SPATA16: variants seen among roughly 807,000 people sequenced by gnomAD.
SPATA16 encodes the protein spermatogenesis associated 16, also known as spermatogenesis-associated protein 16.
SPATA16 carries 36 observed loss-of-function variants against 63.3 expected under a neutral mutation model. That is an observed-to-expected ratio of 0.57 (90% CI 0.44 to 0.75). SPATA16 has a LOEUF of 0.75. SPATA16 is among the 30% of genes least tolerant of loss of function. The probability of loss-of-function intolerance (pLI) is 0.00; values close to 1 mark genes in which losing one functional copy is unlikely to be tolerated. For missense variants in SPATA16, 646 were observed against 679.3 expected, an observed-to-expected ratio of 0.95 and a Z score of 0.54; for synonymous variants, 203 against 216.7, an observed-to-expected ratio of 0.94 and a Z score of 0.56.
At chr3:173,002,246 A>G (rs924334338) in intron 4 of SPATA16, among the ~76,000 whole-genome samples, 3 of 152,194 alleles carry the variant, frequency 2.0e-5, no homozygotes, top group Admixed American at 6.5e-5. Context: ...TTTGGTAAAC[A>G]CACACTGAAG....
chr3:172,905,370 C>T (rs1732212105), intron 10 of SPATA16, among the ~76,000 whole-genome samples: 1 of 152,134 alleles, frequency 6.6e-6, no homozygotes, highest in African/African-American at 2.4e-5. Flanking sequence ...CACATATTAG[C>T]CCAAATGACT....
chr3:173,088,318 C>T (rs1009719466), intron 2 of SPATA16, among the ~76,000 whole-genome samples: 5 of 151,934 alleles, frequency 3.3e-5, no homozygotes, highest in Non-Finnish European at 5.9e-5. Context: ...CTCTTGACCT[C>T]ATGATCCGAC....
chr3:172,933,382 C>G (rs1331521694), intron 6 of SPATA16, among the ~76,000 whole-genome samples: 1 of 152,136 alleles, frequency 6.6e-6, no homozygotes, highest in Admixed American at 6.5e-5. Context: ...CCATTTCCCT[C>G]GGTCCCTGTT....
At chr3:173,074,645 G>T (rs1270363755) in intron 2 of SPATA16, among the ~76,000 whole-genome samples, 1 of 151,976 alleles carries the variant, frequency 6.6e-6, no homozygotes, top group African/African-American at 2.4e-5. Context: ...CCCAGTCTCG[G>T]GTATATCTTT....
intron 2 of SPATA16, among the ~76,000 whole-genome samples, chr3:173,080,156 G>T (rs1314307723): frequency 1.3e-5 from 2 of 152,190 alleles, no homozygotes; most frequent in African/African-American, 2.4e-5. Flanking sequence ...AAGTCTAGGA[G>T]AGGACAGAAC....
At chr3:173,081,998 C>T (rs1244187671) in intron 2 of SPATA16, among the ~76,000 whole-genome samples, 3 of 152,158 alleles carry the variant, frequency 2.0e-5, no homozygotes, top group Non-Finnish European at 4.4e-5. Flanking sequence ...GATTTTCCAT[C>T]TTTAGACTAT....
intron 4 of SPATA16, among the ~76,000 whole-genome samples, chr3:172,979,201 C>A (rs945933226): frequency 2.0e-5 from 3 of 151,954 alleles, no homozygotes; most frequent in Non-Finnish European, 4.4e-5. Context: ...CGCGCCACTG[C>A]ACTCCAGCCT....
chr3:173,080,539 A>T (rs1736900305), intron 2 of SPATA16, among the ~76,000 whole-genome samples: 1 of 152,266 alleles, frequency 6.6e-6, no homozygotes, highest in African/African-American at 2.4e-5. Flanking sequence ...ATGACGGGAA[A>T]GTGAGGCCCA....
intron 5 of SPATA16, among the ~76,000 whole-genome samples, chr3:172,975,889 A>G (rs931881360): frequency 6.6e-6 from 1 of 152,064 alleles, no homozygotes; most frequent in Non-Finnish European, 1.5e-5. Flanking sequence ...GAGACAAAAA[A>G]CTAGGGTCCA....
intron 8 of SPATA16, among the ~76,000 whole-genome samples, chr3:172,917,995 A>G (rs113524843): frequency 7.9e-4 from 120 of 152,318 alleles, no homozygotes; most frequent in African/African-American, 2.8e-3. Context: ...TGTTCAGTGA[A>G]TGTCTTCTTA....
At chr3:173,017,713 C>A (rs1237857543) in intron 4 of SPATA16, among the ~76,000 whole-genome samples, 1 of 152,198 alleles carries the variant, frequency 6.6e-6, no homozygotes, top group Non-Finnish European at 1.5e-5. Flanking sequence ...TAGCTGAAAT[C>A]TAGTTCTGAA....
chr3:173,116,689 G>A (rs1163479801), intron 2 of SPATA16, among the ~76,000 whole-genome samples: 1 of 152,174 alleles, frequency 6.6e-6, no homozygotes, highest in Non-Finnish European at 1.5e-5. Context: ...AGATGGTTAT[G>A]TTTAATCATG....
In SPATA16 at chr3:173,077,529, G is replaced by C. The variant is rs942545554; in HGVS notation, c.613-28435C>G. On this transcript the variant is annotated intron_variant, in intron 2 of 10. Coordinates refer to ENST00000351008, the MANE Select transcript of SPATA16 (RefSeq NM_031955.6). The stretch of plus-strand genomic sequence containing the variant: ...TTAAAGCACACCTTTGAGTTTCAGT[G>C]TAAAAGCAGGCATGCTGCTTCCCAG... 1.3e-5 allele frequency among the ~76,000 whole-genome samples: 2 copies of C among 152,308 alleles called. 1 individual carries two copies. Among genetic ancestry groups the C allele is most frequent in the Middle Eastern group, 6.8e-3 (2 of 294 alleles).
intron 5 of SPATA16, among the ~76,000 whole-genome samples, chr3:172,961,490 G>A (rs546202707): frequency 6.6e-6 from 1 of 152,170 alleles, no homozygotes; most frequent in East Asian, 1.9e-4. Flanking sequence ...CCACTCTGGG[G>A]TTCAAGCTAT....
intron 10 of SPATA16, 106 bp downstream of exon 10, chr3:172,913,555 C>A (rs1432911380): frequency 1.3e-5 from 15 of 1,118,376 alleles, no homozygotes; most frequent in Non-Finnish European, 1.7e-5. Flanking sequence ...AACAAAAAAA[C>A]AAACCAAAGA....
intron 4 of SPATA16, among the ~76,000 whole-genome samples, chr3:173,001,602 C>T (rs1734831230): frequency 6.6e-6 from 1 of 152,118 alleles, no homozygotes; most frequent in African/African-American, 2.4e-5. Flanking sequence ...CAGAATTGTC[C>T]ACATTGAGCT....
intron 7 of SPATA16, 86 bp from the exon 8 acceptor site, chr3:172,924,403 T>A (rs924627924): frequency 2.9e-6 from 3 of 1,020,840 alleles, no homozygotes; most frequent in Admixed American, 3.7e-5. Flanking sequence ...TAAACGAATA[T>A]CTCAATATTA....
chr3:173,021,433 A>G (rs2108277655), intron 3 of SPATA16, among the ~76,000 whole-genome samples: 1 of 152,344 alleles, frequency 6.6e-6, no homozygotes, highest in Non-Finnish European at 1.5e-5. Flanking sequence ...CCTCAAGAAC[A>G]CAGATCGTTT....
At chr3:172,953,095 G>A (rs564583687) in intron 6 of SPATA16, among the ~76,000 whole-genome samples, 25 of 152,078 alleles carry the variant, frequency 1.6e-4, no homozygotes, top group Non-Finnish European at 2.8e-4. Flanking sequence ...TAGAGCTTTG[G>A]TTTTTGTTGA....
Sources: gnomAD v4.1 joint callset for allele counts (sites outside exome capture counted in the v4.1 genomes callset) on GRCh38, gnomAD v4.1.1 for gene constraint, MANE v1.5 for transcripts, NCBI Gene and HGNC (gene_info 2026-07-23, HGNC 2026-07-21) for gene names.